Variants in RBFOX1 observed in about 807,000 individuals in gnomAD.
RBFOX1 encodes the protein RNA binding fox-1 homolog 1.
Under a neutral mutation model 57.7 loss-of-function variants are expected in RBFOX1, and 8 were observed. The ratio of observed to expected loss-of-function variants is 0.14; its 90% CI spans 0.08 to 0.25. The LOEUF is 0.25. Ranked by LOEUF, RBFOX1 falls within the 10% of genes least tolerant of loss-of-function variation. The probability of loss-of-function intolerance (pLI) is 1.00; values close to 1 mark genes in which losing one functional copy is unlikely to be tolerated. For missense variants in RBFOX1, 611 were observed against 548.5 expected (o/e 1.11, Z -1.14); for synonymous variants, 326 against 222.4 (o/e 1.47, Z -4.15).
chr16:5,928,135 C>A (rs547625161), intron 4 of RBFOX1, among the ~76,000 whole-genome samples: 1 of 151,632 alleles, frequency 6.6e-6, no homozygotes, highest in Admixed American at 6.6e-5. Flanking sequence ...GCTCTGTCAC[C>A]CAGGCTGGAG....
intron 4 of RBFOX1, among the ~76,000 whole-genome samples, chr16:7,319,424 C>T (rs146978356): frequency 2.6e-5 from 4 of 152,192 alleles, no homozygotes; most frequent in African/African-American, 9.6e-5. Context: ...TTCTTGTCTG[C>T]CAAACATTAT....
At chr16:6,478,191 T>TTTA (rs2095303843) in intron 2 of RBFOX1, among the ~76,000 whole-genome samples, 3 of 95,154 alleles carry the variant, frequency 3.2e-5, no homozygotes, top group African/African-American at 1.0e-4. Context: ...CTTGGCTAGT[T>TTTA]GGTGCAGGAG....
intron 2 of RBFOX1, among the ~76,000 whole-genome samples, chr16:5,548,644 C>G (rs2045332400): frequency 2.0e-5 from 3 of 151,360 alleles, no homozygotes; most frequent in African/African-American, 7.3e-5. Context: ...AACTATGTAC[C>G]CAAATGATTA....
chr16:5,359,583 A>C (rs930994284), intron 1 of RBFOX1, among the ~76,000 whole-genome samples: 2 of 152,186 alleles, frequency 1.3e-5, no homozygotes, highest in Non-Finnish European at 2.9e-5. Flanking sequence ...GCATCTTTTC[A>C]TATGCCTGTT....
intron 3 of RBFOX1, among the ~76,000 whole-genome samples, chr16:6,968,901 C>G (rs903801308): frequency 6.6e-6 from 1 of 151,600 alleles, no homozygotes; most frequent in African/African-American, 2.4e-5. Context: ...TGTCAGGATT[C>G]ACATAATAAG....
intron 3 of RBFOX1, among the ~76,000 whole-genome samples, chr16:6,904,536 T>A (rs2069288121): frequency 7.2e-6 from 1 of 138,796 alleles, no homozygotes; most frequent in South Asian, 2.2e-4. Context: ...AGGAGGCAGA[T>A]GTTGCAGTGA....
chr16:6,900,707 C>G (rs1216475298), intron 3 of RBFOX1, among the ~76,000 whole-genome samples: 1 of 152,194 alleles, frequency 6.6e-6, no homozygotes, highest in Non-Finnish European at 1.5e-5. Context: ...ATCTGTATTG[C>G]TTTCTCCATG....
intron 3 of RBFOX1, among the ~76,000 whole-genome samples, chr16:5,836,193 C>G (rs1403716252): frequency 6.6e-6 from 1 of 152,158 alleles, no homozygotes; most frequent in Non-Finnish European, 1.5e-5. Context: ...ATGGGCTCTG[C>G]AGCTGGGGGG....
chr16:5,551,286 T>C (rs969368123), intron 2 of RBFOX1, among the ~76,000 whole-genome samples: 4 of 152,188 alleles, frequency 2.6e-5, no homozygotes, highest in African/African-American at 9.7e-5. Flanking sequence ...TACTTACTTA[T>C]CGAACACTTC....
intron 4 of RBFOX1, among the ~76,000 whole-genome samples, chr16:7,127,525 G>C (rs904502872): frequency 6.6e-6 from 1 of 152,150 alleles, no homozygotes; most frequent in African/African-American, 2.4e-5. Context: ...AGGTCTTTTG[G>C]TATATGGTGT....
chr16:6,951,843 C>A (rs1304919096), intron 3 of RBFOX1, among the ~76,000 whole-genome samples: 2 of 152,186 alleles, frequency 1.3e-5, no homozygotes, highest in Non-Finnish European at 2.9e-5. Context: ...AAGCGATTCT[C>A]CTGCCTCAGC....
At chr16:5,822,407 A>C (rs2055888275) in intron 3 of RBFOX1, among the ~76,000 whole-genome samples, 1 of 152,152 alleles carries the variant, frequency 6.6e-6, no homozygotes, top group Non-Finnish European at 1.5e-5. Context: ...ACCAAATACC[A>C]CCTGTACCCC....
At chr16:5,670,126 G>T (rs190604049) in intron 3 of RBFOX1, among the ~76,000 whole-genome samples, 96 of 152,174 alleles carry the variant, frequency 6.3e-4, no homozygotes, top group African/African-American at 2.2e-3. Flanking sequence ...AGTGTCTAGA[G>T]CAGCCAAATT....
chr16:6,417,614 T>G (rs2093660050), intron 2 of RBFOX1, among the ~76,000 whole-genome samples: 1 of 141,578 alleles, frequency 7.1e-6, no homozygotes, highest in Non-Finnish European at 1.5e-5. Context: ...GGTCTTGAAC[T>G]CCTGACCTCA....
At position 6,401,397 on chromosome 16, in the gene RBFOX1, A is replaced by C. The variant is rs139632774; in HGVS notation, c.-64+84340A>C. On this transcript the variant is annotated intron_variant, in intron 2 of 15. Coordinates refer to ENST00000550418, the MANE Select transcript of RBFOX1 (RefSeq NM_018723.4). ...ATATAAACACTACTACTAACTTATAAGCATAACTCACACCTGTGAAAATGA... is the reference window on the plus strand; with the variant it reads ...ATATAAACACTACTACTAACTTATACGCATAACTCACACCTGTGAAAATGA... Among the ~76,000 whole-genome samples the C allele has an allele frequency of 1.0e-3, 158 of 152,372 alleles. No individual in the cohort carries two copies. The Middle Eastern group carries it at 0.014, about 13-fold the overall frequency.
At chr16:6,361,148 A>G (rs986334618) in intron 2 of RBFOX1, among the ~76,000 whole-genome samples, 7 of 152,056 alleles carry the variant, frequency 4.6e-5, no homozygotes, top group African/African-American at 7.2e-5. Context: ...AACGAATGTC[A>G]TGTTATCAGG....
At chr16:6,138,920 T>G (rs527315474) in intron 1 of RBFOX1, among the ~76,000 whole-genome samples, 6 of 152,230 alleles carry the variant, frequency 3.9e-5, no homozygotes, top group Admixed American at 2.6e-4. Flanking sequence ...TATATTTTAT[T>G]GGTTAGAAGC....
intron 2 of RBFOX1, among the ~76,000 whole-genome samples, chr16:6,510,041 C>T (rs1019714381): frequency 6.6e-6 from 1 of 152,146 alleles, no homozygotes; most frequent in Non-Finnish European, 1.5e-5. Context: ...GTGATTGAAG[C>T]AGCTTCATAT....
At chr16:6,810,828 G>A (rs1211077866) in intron 3 of RBFOX1, among the ~76,000 whole-genome samples, 1 of 152,102 alleles carries the variant, frequency 6.6e-6, no homozygotes, top group African/African-American at 2.4e-5. Flanking sequence ...AGAACAGTGT[G>A]CCGGGAAAGG....
Sources: gnomAD v4.1 joint callset for allele counts (sites outside exome capture counted in the v4.1 genomes callset) on GRCh38, gnomAD v4.1.1 for gene constraint, MANE v1.5 for transcripts, NCBI Gene and HGNC (gene_info 2026-07-23, HGNC 2026-07-21) for gene names.